AFG1L: variants seen among roughly 807,000 people sequenced by gnomAD.
The protein encoded by AFG1L is AFG1 like ATPase, also known as AFG1-like ATPase.
Under a neutral mutation model 62.2 loss-of-function variants are expected in AFG1L, and 53 were observed. That is an observed-to-expected ratio of 0.85 (90% confidence interval 0.68 to 1.07). The LOEUF (loss-of-function observed/expected upper bound fraction) is 1.07, where lower values mean the gene tolerates loss of function less well. Ranked by LOEUF, AFG1L falls within the 50% of genes least tolerant of loss-of-function variation. AFG1L has a pLI of 0.00. For synonymous variants in AFG1L, 228 were observed against 210.3 expected, an observed-to-expected ratio of 1.08 and a Z score of -0.73; for missense variants, 555 against 590.5, an observed-to-expected ratio of 0.94 and a Z score of 0.62.
At chr6:108,380,773 C>A (rs944523374) in intron 6 of AFG1L, among the ~76,000 whole-genome samples, 1 of 152,196 alleles carries the variant, frequency 6.6e-6, no homozygotes, top group Admixed American at 6.5e-5. Flanking sequence ...ATCCTCTCCT[C>A]AAGTTAACTC....
chr6:108,471,468 C>CTTTTTTTTTTT (rs56375345), intron 8 of AFG1L, among the ~76,000 whole-genome samples: 4 of 100,354 alleles, frequency 4.0e-5, no homozygotes, highest in Non-Finnish European at 8.1e-5. Flanking sequence ...TGTTCTTCTT[C>CTTTTTTTTTTT]TTTTTTTTTT....
chr6:108,338,754 T>C (rs1404063091), intron 2 of AFG1L, among the ~76,000 whole-genome samples: 10 of 152,244 alleles, frequency 6.6e-5, no homozygotes, highest in Admixed American at 5.9e-4. Flanking sequence ...CAATAAACTT[T>C]AGAAAACCCT....
chr6:108,328,561 A>C (rs1457406396), intron 2 of AFG1L, among the ~76,000 whole-genome samples: 1 of 151,168 alleles, frequency 6.6e-6, no homozygotes, highest in Admixed American at 6.6e-5. Flanking sequence ...CACCCAGCTA[A>C]TTTTTTGTAT....
chr6:108,508,373 C>T (rs1179918221), intron 10 of AFG1L, among the ~76,000 whole-genome samples: 1 of 152,212 alleles, frequency 6.6e-6, no homozygotes, highest in Admixed American at 6.5e-5. Context: ...AGGTGAGTGG[C>T]TTGTCTCAGC....
intron 6 of AFG1L, among the ~76,000 whole-genome samples, chr6:108,368,018 T>C (rs1779830671): frequency 6.6e-6 from 1 of 152,196 alleles, no homozygotes; most frequent in African/African-American, 2.4e-5. Flanking sequence ...CAGACCCAGA[T>C]CTTACTATGT....
intron 5 of AFG1L, among the ~76,000 whole-genome samples, chr6:108,362,449 A>G (rs957426076): frequency 2.0e-5 from 3 of 152,160 alleles, no homozygotes; most frequent in Admixed American, 6.5e-5. Flanking sequence ...TAATAACTGT[A>G]TAATGCTAAA....
chr6:108,467,422 A>G (rs114667443), intron 8 of AFG1L, among the ~76,000 whole-genome samples: 216 of 151,964 alleles, frequency 1.4e-3, no homozygotes, highest in African/African-American at 4.9e-3. Flanking sequence ...GTTTTTTAAT[A>G]TTTTTAGTAG....
intron 8 of AFG1L, among the ~76,000 whole-genome samples, chr6:108,474,910 A>G (rs1012494862): frequency 1.3e-5 from 2 of 152,132 alleles, no homozygotes; most frequent in East Asian, 3.9e-4. Context: ...CCATTTGTCA[A>G]TTTTTGCCTT....
intron 8 of AFG1L, among the ~76,000 whole-genome samples, chr6:108,474,038 C>T (rs946471108): frequency 2.6e-5 from 4 of 152,200 alleles, no homozygotes; most frequent in Admixed American, 6.5e-5. Context: ...TCCCTCTCCC[C>T]CCGGCTCCTG....
chr6:108,497,947 T>C (rs946035349), intron 10 of AFG1L, among the ~76,000 whole-genome samples: 1 of 152,162 alleles, frequency 6.6e-6, no homozygotes, highest in Non-Finnish European at 1.5e-5. Flanking sequence ...GTCTACAGGC[T>C]ATGGGGGAGT....
chr6:108,445,557 C>A (rs1242460196), intron 7 of AFG1L, among the ~76,000 whole-genome samples: 1 of 151,578 alleles, frequency 6.6e-6, no homozygotes, highest in African/African-American at 2.4e-5. Flanking sequence ...CACCTGAACA[C>A]TTAGAGGTCA....
intron 8 of AFG1L, among the ~76,000 whole-genome samples, chr6:108,470,785 TTATC>T (rs1321792039): frequency 3.3e-5 from 5 of 152,220 alleles, no homozygotes; most frequent in Non-Finnish European, 7.3e-5. Flanking sequence ...TCATTAAATA[TTATC>T]TGTTTGCCTG....
rs397842829 is a variant in AFG1L at position 108,485,656 on chromosome 6, A to ATTTTTTTT, written c.1062+8387_1062+8394dup. 1.2e-4 allele frequency among the ~76,000 whole-genome samples: 3 copies of ATTTTTTTT among 25,032 alleles called. 1 individual carries two copies. The highest frequency in any genetic ancestry group is 5.2e-4 in the African/African-American group (2 of 3,834). The allele number at this position is 25,032 out of a possible 152,430, so 16.4% of individuals were successfully genotyped here. On this transcript the variant is annotated intron_variant, in intron 10 of 12. Coordinates refer to ENST00000368977, the MANE Select transcript of AFG1L (RefSeq NM_145315.5). ...TATATATATATATATATATATATATATTTTTTTTTTTTTTTTTTTTTTTTT... is the reference window on the plus strand; with the variant it reads ...TATATATATATATATATATATATATATTTTTTTTTTTTTTTTTTTTTTTTTTTTTTTTT...
chr6:108,386,890 A>G (rs2114576222), intron 6 of AFG1L, among the ~76,000 whole-genome samples: 1 of 152,370 alleles, frequency 6.6e-6, no homozygotes, highest in Non-Finnish European at 1.5e-5. Flanking sequence ...AACAACTAAA[A>G]TAAAGGCTGA....
At chr6:108,486,113 TAA>T (rs1399126906) in intron 10 of AFG1L, among the ~76,000 whole-genome samples, 1 of 152,232 alleles carries the variant, frequency 6.6e-6, no homozygotes, top group East Asian at 1.9e-4. Flanking sequence ...AAGAGATTGG[TAA>T]AGTGCTGAGA....
chr6:108,349,559 A>G (rs1198896382), intron 3 of AFG1L, among the ~76,000 whole-genome samples: 1 of 152,120 alleles, frequency 6.6e-6, no homozygotes, highest in Non-Finnish European at 1.5e-5. Flanking sequence ...AGTAGCCTCA[A>G]AATGCCACCA....
At chr6:108,362,888 C>T (rs1008020375) in intron 5 of AFG1L, among the ~76,000 whole-genome samples, 16 of 152,266 alleles carry the variant, frequency 1.1e-4, no homozygotes, top group African/African-American at 3.9e-4. Flanking sequence ...AAGCCTAGTA[C>T]AATACTTGCT....
intron 8 of AFG1L, among the ~76,000 whole-genome samples, chr6:108,467,591 T>C (rs1241056711): frequency 6.6e-6 from 1 of 152,220 alleles, no homozygotes; most frequent in Non-Finnish European, 1.5e-5. Context: ...GTGTTAATGG[T>C]CTTATGTTTT....
Position 108,510,345 on chromosome 6 carries a change from AT to A in AFG1L, c.1197del (p.Leu400SerfsTer5). On this transcript the variant is annotated frameshift_variant, in exon 11 of 13. Transcript: ENST00000368977. LOFTEE classifies it high-confidence loss of function. ...RFITLIDNFY[D>X]LKVRIICSAS... is the part of the protein sequence containing the mutation. ...ATAACTCTCATCGATAACTTTTATG[AT>A]CTCAAGGTAAGGATGTAGTACATTT... 6.2e-7 allele frequency: 1 copy of A among 1,607,920 alleles called. No homozygotes were observed.
Sources: gnomAD v4.1 joint callset for allele counts (sites outside exome capture counted in the v4.1 genomes callset) on GRCh38, gnomAD v4.1.1 for gene constraint, MANE v1.5 for transcripts, NCBI Gene and HGNC (gene_info 2026-07-23, HGNC 2026-07-21) for gene names.